Variants in MYO16 observed in about 807,000 individuals in gnomAD.
MYO16 encodes unconventional myosin-XVI.
MYO16 carries 94 observed loss-of-function variants against 205.3 expected under a neutral mutation model. That is an observed-to-expected ratio of 0.46 (90% CI 0.39 to 0.54). The LOEUF (loss-of-function observed/expected upper bound fraction) is 0.54. MYO16 is among the 20% of genes least tolerant of loss of function. MYO16 has a pLI of 0.00. For synonymous variants in MYO16, 988 were observed against 954.0 expected (o/e 1.04, Z -0.66); for missense variants, 2,315 against 2,387.5 (o/e 0.97, Z 0.63).
intron 28 of MYO16, among the ~76,000 whole-genome samples, chr13:109,106,489 T>C (rs1889126012): frequency 6.6e-6 from 1 of 152,216 alleles, no homozygotes; most frequent in South Asian, 2.1e-4. Flanking sequence ...TGTTATATCA[T>C]TTATGTAAAA....
intron 27 of MYO16, among the ~76,000 whole-genome samples, chr13:109,062,558 G>C (rs1479475305): frequency 1.3e-5 from 2 of 152,052 alleles, no homozygotes; most frequent in Non-Finnish European, 2.9e-5. Flanking sequence ...AGTGGAAATG[G>C]AATTATGAAT....
chr13:108,712,571 A>C, intron 2 of MYO16, 90 bp from the exon 3 acceptor site: 1 of 1,127,120 alleles, frequency 8.9e-7, no homozygotes, highest in Non-Finnish European at 1.4e-6. Flanking sequence ...AGCTGTTTGC[A>C]TTTTAGATAT....
the MYO16 span, among the ~76,000 whole-genome samples, chr13:108,524,509 G>A: frequency 5.9e-5 from 9 of 152,036 alleles, no homozygotes; most frequent in Non-Finnish European, 1.5e-5. Context: ...ATAACTGTGA[G>A]CCAGTTAAAC....
chr13:108,538,772 A>G, the MYO16 span, among the ~76,000 whole-genome samples: 3 of 152,232 alleles, frequency 2.0e-5, no homozygotes, highest in East Asian at 5.8e-4. Flanking sequence ...TAGAAAACTC[A>G]AAATCTTTTT....
upstream of MYO16, chr13:108,629,374 CGAA>C (rs1879869942): frequency 6.5e-6 from 1 of 153,432 alleles, no homozygotes; most frequent in African/African-American, 2.4e-5. Flanking sequence ...ACAGTGTGCA[CGAA>C]GAAGATTTAG....
At chr13:108,587,139 A>C in the MYO16 span, among the ~76,000 whole-genome samples, 9 of 152,266 alleles carry the variant, frequency 5.9e-5, no homozygotes, top group East Asian at 9.7e-4. Flanking sequence ...AAGAAATGTA[A>C]CCTTGTGTGG....
chr13:108,732,170 C>T (rs1454624909), intron 4 of MYO16, among the ~76,000 whole-genome samples: 1 of 152,198 alleles, frequency 6.6e-6, no homozygotes, highest in Non-Finnish European at 1.5e-5. Flanking sequence ...GCTCCATCTT[C>T]TTTCCATTTT....
At chr13:108,650,175 T>C (rs1441086404) in intron 1 of MYO16, among the ~76,000 whole-genome samples, 1 of 78,726 alleles carries the variant, frequency 1.3e-5, no homozygotes, top group Admixed American at 1.5e-4. Flanking sequence ...ATGAAAATCA[T>C]GCATTTTTTT....
chr13:108,631,132 T>A (rs1217382318), intron 1 of MYO16, among the ~76,000 whole-genome samples: 1 of 152,236 alleles, frequency 6.6e-6, no homozygotes, highest in Non-Finnish European at 1.5e-5. Flanking sequence ...AGGGCAATAC[T>A]CTGACTGGTT....
chr13:109,165,301 A>G (rs1171177793), intron 33 of MYO16, among the ~76,000 whole-genome samples: 3 of 152,200 alleles, frequency 2.0e-5, no homozygotes, highest in Admixed American at 6.5e-5. Flanking sequence ...ATCTAAAAGA[A>G]CTGGTCCAAA....
chr13:108,496,209 G>T, the MYO16 span, among the ~76,000 whole-genome samples: 1 of 152,140 alleles, frequency 6.6e-6, no homozygotes, highest in South Asian at 2.1e-4. Flanking sequence ...GTAAGCCGAG[G>T]CTGGGAGTAG....
chr13:108,931,104 C>CA (rs1292158586), intron 16 of MYO16, among the ~76,000 whole-genome samples: 2 of 152,218 alleles, frequency 1.3e-5, no homozygotes, highest in Non-Finnish European at 2.9e-5. Context: ...TACACTCACA[C>CA]ACCTGCTCTT....
At chr13:109,009,268 G>C (rs1183932014) in intron 22 of MYO16, among the ~76,000 whole-genome samples, 2 of 152,094 alleles carry the variant, frequency 1.3e-5, no homozygotes, top group African/African-American at 2.4e-5. Flanking sequence ...ATATCATTTT[G>C]ATATAGAAAT....
chr13:108,665,116 C>T (rs184051747), intron 1 of MYO16, among the ~76,000 whole-genome samples: 21 of 152,196 alleles, frequency 1.4e-4, no homozygotes, highest in Admixed American at 4.6e-4. Context: ...CTGTTTTCCC[C>T]ACTCTGTTGC....
intron 1 of MYO16, among the ~76,000 whole-genome samples, chr13:108,648,009 A>G (rs534337858): frequency 6.6e-6 from 1 of 152,288 alleles, no homozygotes; most frequent in African/African-American, 2.4e-5. Context: ...TGGCCCCTGT[A>G]TTCATGAAGT....
Position 108,666,031 on chromosome 13 carries a change from G to A in MYO16, c.174G>A (p.Lys58=), listed in dbSNP as rs1401573760. ...TCAAAGCCTACTATGAGCGCGAGAAGGCTTTTCAGAAGCAGGAAGGGTTCC... is the reference window on the plus strand; with the variant it reads ...TCAAAGCCTACTATGAGCGCGAGAAAGCTTTTCAGAAGCAGGAAGGGTTCC... ...EQIKAYYERE[K]AFQKQEGFLK... Residue 58 remains lysine (K), a synonymous_variant, in exon 2 of 35, where the codon AAG becomes AAA. Transcript: ENST00000457511. The A allele has an allele frequency of 6.2e-7, 1 of 1,614,140 alleles. No individual in the cohort carries two copies. The highest frequency in any genetic ancestry group is 1.7e-5 in the Admixed American group (1 of 60,010).
At chr13:109,170,694 T>C (rs892954839) in intron 33 of MYO16, among the ~76,000 whole-genome samples, 2 of 152,076 alleles carry the variant, frequency 1.3e-5, no homozygotes, top group African/African-American at 4.8e-5. Context: ...CGGCAAGTCA[T>C]ACTCTAAATA....
At chr13:108,891,607 A>G (rs748752138) in intron 14 of MYO16, among the ~76,000 whole-genome samples, 5 of 152,202 alleles carry the variant, frequency 3.3e-5, no homozygotes, top group East Asian at 1.9e-4. Flanking sequence ...AAAACTTTCT[A>G]TTGGCACTGA....
the MYO16 span, among the ~76,000 whole-genome samples, chr13:108,523,287 A>G: frequency 6.6e-6 from 1 of 152,132 alleles, no homozygotes; most frequent in Non-Finnish European, 1.5e-5. Flanking sequence ...TTCTGAATAA[A>G]CTTGCACTTT....
Sources: allele counts gnomAD v4.1 joint callset (sites outside exome capture counted in the v4.1 genomes callset), GRCh38; gene constraint gnomAD v4.1.1; transcripts MANE v1.5; gene names NCBI Gene and HGNC (gene_info 2026-07-23, HGNC 2026-07-21).